Variants in MGST2 observed in about 807,000 individuals in gnomAD.
The protein encoded by MGST2 is glutathione peroxidase MGST2.
In MGST2, 9 loss-of-function variants were observed where a neutral mutation model predicts 16.6. That is an observed-to-expected ratio of 0.54 (90% CI 0.33 to 0.95). The LOEUF (loss-of-function observed/expected upper bound fraction) is 0.95, where lower values mean the gene tolerates loss of function less well. Ranked by LOEUF, MGST2 falls within the 40% of genes least tolerant of loss-of-function variation. The pLI is 0.03. For synonymous variants in MGST2, 79 were observed against 68.0 expected, an observed-to-expected ratio of 1.16 and a Z score of -0.79; for missense variants, 159 against 175.1, an observed-to-expected ratio of 0.91 and a Z score of 0.52.
chr4:139,726,868 A>AT (rs1728493447), intron 5 of MGST2, among the ~76,000 whole-genome samples: 1 of 152,192 alleles, frequency 6.6e-6, no homozygotes, highest in African/African-American at 2.4e-5. Context: ...GGGAAAGAAA[A>AT]TAAGAGTGAT....
At chr4:139,668,490 T>C (rs953304959) in intron 1 of MGST2, among the ~76,000 whole-genome samples, 6 of 152,170 alleles carry the variant, frequency 3.9e-5, no homozygotes, top group Non-Finnish European at 7.3e-5. Context: ...CTGCTATCTG[T>C]CATGTGATGC....
At chr4:139,750,334 A>G in the MGST2 span, among the ~76,000 whole-genome samples, 1 of 152,206 alleles carries the variant, frequency 6.6e-6, no homozygotes, top group African/African-American at 2.4e-5. Context: ...CTTCAATAAA[A>G]TCAACCGATC....
At chr4:139,725,830 C>T (rs1294582720) in intron 5 of MGST2, 1 of 1,613,790 alleles carries the variant, frequency 6.2e-7, no homozygotes, top group Admixed American at 1.7e-5. Context: ...GTGATTGCTG[C>T]AACTGCTAGA....
Position 139,719,180 on chromosome 4 carries a change from G to C in MGST2, c.*48+14984G>C, listed in dbSNP as rs912662752. 26 of 927,294 alleles carry C rather than the reference G, an allele frequency of 2.8e-5. No individual in the cohort carries two copies. In the African/African-American group the frequency reaches 4.3e-4, roughly 16 times the overall value. The allele number at this position is 927,294 out of a possible 1,614,324, so 57.4% of individuals were successfully genotyped here. The stretch of plus-strand genomic sequence containing the variant: ...TGGTGGGGCTGTGGATTGGCACCTG[G>C]ATCTTCCATTGTCAGCCAGCTGCAG... On this transcript the variant is annotated intron_variant, in intron 5 of 5. Transcript: ENST00000616265.
chr4:139,686,337 CAG>C (rs1447254882), intron 2 of MGST2, among the ~76,000 whole-genome samples: 1 of 152,158 alleles, frequency 6.6e-6, no homozygotes, highest in Non-Finnish European at 1.5e-5. Flanking sequence ...TGGTAGGCTT[CAG>C]AGAGAATAGT....
chr4:139,708,991 C>G (rs1187636441), downstream of MGST2, among the ~76,000 whole-genome samples: 2 of 107,466 alleles, frequency 1.9e-5, no homozygotes, highest in African/African-American at 8.3e-5. Flanking sequence ...GAGAGCAAAA[C>G]TCCGTCTCAA....
chr4:139,682,648 G>A (rs962579734), intron 2 of MGST2, among the ~76,000 whole-genome samples: 34 of 152,146 alleles, frequency 2.2e-4, no homozygotes, highest in Non-Finnish European at 1.0e-4. Flanking sequence ...ATTTTAAAAG[G>A]AGAATCCTGT....
intron 5 of MGST2, chr4:139,717,200 ATTAG>A (rs1307064317): frequency 1.3e-5 from 2 of 152,516 alleles, no homozygotes; most frequent in Non-Finnish European, 2.9e-5. Context: ...AAATCTACCT[ATTAG>A]TTGGTCCCAG....
intron 5 of MGST2, among the ~76,000 whole-genome samples, chr4:139,716,142 T>C (rs1371445620): frequency 2.0e-5 from 3 of 152,182 alleles, no homozygotes; most frequent in Non-Finnish European, 4.4e-5. Context: ...ATATCTGAGT[T>C]TGTTCAGACA....
the MGST2 span, among the ~76,000 whole-genome samples, chr4:139,746,970 ACCGGCC>A: frequency 6.6e-6 from 1 of 152,082 alleles, no homozygotes; most frequent in Non-Finnish European, 1.5e-5. Context: ...ATTGTGGGCC[ACCGGCC>A]GTGGCTTTCC....
intron 3 of MGST2, among the ~76,000 whole-genome samples, chr4:139,700,499 T>C (rs1727194802): frequency 6.6e-6 from 1 of 152,182 alleles, no homozygotes; most frequent in African/African-American, 2.4e-5. Flanking sequence ...TTTAAAGCCT[T>C]CATATGAGGG....
At chr4:139,730,478 G>A in intron 5 of MGST2, 1 of 1,553,130 alleles carries the variant, frequency 6.4e-7, no homozygotes, top group Non-Finnish European at 8.7e-7. Flanking sequence ...CGCAGGAACT[G>A]TTGCTTCTGC....
rs369098091 is a variant in MGST2 at position 139,703,423 on chromosome 4, G to A, written c.230-32G>A. The A allele has an allele frequency of 6.4e-6, 10 of 1,571,938 alleles. No individual in the cohort carries two copies. In the African/African-American group the frequency reaches 1.1e-4, roughly 17 times the overall value. On this transcript the variant is annotated intron_variant, in intron 3 of 4. Transcript: ENST00000265498. Reference sequence around the variant, plus strand: ...TTAAGAGACTGCTGTTGTATTTTGTGCCTTTTCTTTTTTTTTCCCACCCCC... The same window carrying A: ...TTAAGAGACTGCTGTTGTATTTTGTACCTTTTCTTTTTTTTTCCCACCCCC...
the MGST2 span, among the ~76,000 whole-genome samples, chr4:139,752,964 T>C: frequency 2.0e-5 from 3 of 152,316 alleles, no homozygotes; most frequent in East Asian, 5.8e-4. Flanking sequence ...TTTTTGAACC[T>C]ATCTGCTAGG....
At chr4:139,691,902 G>A (rs974796359) in intron 2 of MGST2, among the ~76,000 whole-genome samples, 4 of 152,008 alleles carry the variant, frequency 2.6e-5, no homozygotes, top group Non-Finnish European at 4.4e-5. Flanking sequence ...GGGTTTCACC[G>A]TGTTAGCCAG....
At chr4:139,692,873 A>G (rs1406525984) in intron 2 of MGST2, among the ~76,000 whole-genome samples, 2 of 152,196 alleles carry the variant, frequency 1.3e-5, no homozygotes, top group Non-Finnish European at 2.9e-5. Context: ...ACATTCTTAC[A>G]CAATATTATC....
At chr4:139,742,762 G>A (rs775377836), downstream of MGST2, among the ~76,000 whole-genome samples, 12 of 152,142 alleles carry the variant, frequency 7.9e-5, no homozygotes, top group African/African-American at 2.9e-4. Context: ...TACGTCTTGT[G>A]TTTATCCTGT....
At chr4:139,753,864 A>C in the MGST2 span, among the ~76,000 whole-genome samples, 1 of 152,172 alleles carries the variant, frequency 6.6e-6, no homozygotes, top group Admixed American at 6.5e-5. Flanking sequence ...GAACTCCTAC[A>C]TCAGAAGGGA....
downstream of MGST2, among the ~76,000 whole-genome samples, chr4:139,704,947 A>G (rs1214481447): frequency 6.6e-6 from 1 of 152,134 alleles, no homozygotes; most frequent in East Asian, 1.9e-4. Flanking sequence ...AAAAACAAAA[A>G]CAGATTATAA....
Sources: allele counts gnomAD v4.1 joint callset (sites outside exome capture counted in the v4.1 genomes callset), GRCh38; gene constraint gnomAD v4.1.1; transcripts MANE v1.5; gene names NCBI Gene and HGNC (gene_info 2026-07-23, HGNC 2026-07-21).